Variants in TASP1 observed in about 807,000 individuals in gnomAD.
The protein encoded by TASP1 is threonine aspartase 1.
In TASP1, 16 loss-of-function variants were observed where a neutral mutation model predicts 56.6. The ratio of observed to expected loss-of-function variants is 0.28; its 90% CI spans 0.19 to 0.43. The LOEUF is 0.43. Ranked by LOEUF, TASP1 falls within the 20% of genes least tolerant of loss-of-function variation. The pLI, the probability that TASP1 is intolerant of heterozygous loss-of-function variation, is 1.00. For missense variants in TASP1, 393 were observed against 511.6 expected (o/e 0.77, Z 2.24); for synonymous variants, 179 against 184.2 (o/e 0.97, Z 0.23).
At chr20:13,292,980 A>T in the TASP1 span, among the ~76,000 whole-genome samples, 1 of 151,956 alleles carries the variant, frequency 6.6e-6, no homozygotes, top group African/African-American at 2.4e-5. Flanking sequence ...GCAGATCACG[A>T]GGTCAGGAGA....
At chr20:13,121,451 T>C in the TASP1 span, among the ~76,000 whole-genome samples, 1 of 152,168 alleles carries the variant, frequency 6.6e-6, no homozygotes, top group Non-Finnish European at 1.5e-5. Flanking sequence ...AGATGTTTAT[T>C]CTAAGAGTCT....
At chr20:13,638,306 C>T (rs8123211) in intron 1 of TASP1, among the ~76,000 whole-genome samples, 2 of 152,092 alleles carry the variant, frequency 1.3e-5, no homozygotes, top group African/African-American at 2.4e-5. Flanking sequence ...AAGTTGAACT[C>T]TCTCCTTCCG....
At chr20:13,630,203 A>C (rs1305078542) in intron 1 of TASP1, 51 bp from the exon 2 acceptor site, 4 of 943,696 alleles carry the variant, frequency 4.2e-6, no homozygotes, top group Non-Finnish European at 6.0e-6. Context: ...CCAACACATA[A>C]GTTACTTACA....
intron 8 of TASP1, among the ~76,000 whole-genome samples, chr20:13,540,064 G>A (rs1032770891): frequency 6.6e-5 from 10 of 152,004 alleles, no homozygotes; most frequent in South Asian, 2.1e-4. Flanking sequence ...TCACTCATAC[G>A]CAGTTTAATT....
chr20:13,288,712 G>C, the TASP1 span: 1 of 1,588,646 alleles, frequency 6.3e-7, no homozygotes. Context: ...GTAGCTCCAA[G>C]TTCAAGGGGA....
At chr20:13,622,494 A>G (rs1342600347) in intron 4 of TASP1, among the ~76,000 whole-genome samples, 1 of 152,210 alleles carries the variant, frequency 6.6e-6, no homozygotes, top group African/African-American at 2.4e-5. Context: ...TCCACAATTA[A>G]GCAAGAGAAT....
rs1201283882 is a variant in TASP1 at position 13,632,216 on chromosome 20, T to A, written c.-74-2064A>T. 2.6e-5 allele frequency among the ~76,000 whole-genome samples: 4 copies of A among 151,162 alleles called. 1 individual carries two copies. In the East Asian group the frequency reaches 7.8e-4, roughly 30 times the overall value. On this transcript the variant is annotated intron_variant, in intron 1 of 13. Transcript: ENST00000337743. ...CGTCTCCACTAAAAATACAAAAAGC[T>A]GGGCATGGTGGCGCGTTCCTGTAAT... is the stretch of plus-strand genomic sequence containing the variant.
chr20:13,111,613 C>T, the TASP1 span, among the ~76,000 whole-genome samples: 2 of 152,180 alleles, frequency 1.3e-5, no homozygotes, highest in African/African-American at 4.8e-5. Flanking sequence ...CTGTCATAAC[C>T]TCAAGCATGG....
chr20:13,245,578 C>A, the TASP1 span, among the ~76,000 whole-genome samples: 1 of 152,188 alleles, frequency 6.6e-6, no homozygotes, highest in South Asian at 2.1e-4. Context: ...CCATACTCCC[C>A]TCCACATGTA....
intron 4 of TASP1, among the ~76,000 whole-genome samples, chr20:13,592,214 T>C (rs1344395404): frequency 6.6e-6 from 1 of 151,976 alleles, no homozygotes; most frequent in South Asian, 2.1e-4. Context: ...CTGGCCAACA[T>C]GGTGAAATCC....
chr20:13,242,808 GT>G, the TASP1 span, among the ~76,000 whole-genome samples: 1 of 152,262 alleles, frequency 6.6e-6, no homozygotes, highest in African/African-American at 2.4e-5. Context: ...GTTCCTTACT[GT>G]TCATGTGTGA....
chr20:13,633,493 T>C (rs1211635962), intron 1 of TASP1, among the ~76,000 whole-genome samples: 2 of 152,114 alleles, frequency 1.3e-5, no homozygotes, highest in African/African-American at 2.4e-5. Flanking sequence ...AGAACCAAAA[T>C]AGGGCAAGCA....
the TASP1 span, among the ~76,000 whole-genome samples, chr20:13,192,911 T>C: frequency 1.3e-5 from 2 of 152,044 alleles, no homozygotes; most frequent in Non-Finnish European, 2.9e-5. Flanking sequence ...GATTATAGCA[T>C]ATGGTTAAGT....
the TASP1 span, among the ~76,000 whole-genome samples, chr20:13,261,939 A>C: frequency 6.6e-6 from 1 of 152,112 alleles, no homozygotes; most frequent in East Asian, 1.9e-4. Context: ...CCCTCATTCT[A>C]TGCAGGGAGA....
At chr20:13,379,388 T>C in the TASP1 span, among the ~76,000 whole-genome samples, 1 of 152,238 alleles carries the variant, frequency 6.6e-6, no homozygotes, top group Admixed American at 6.5e-5. Context: ...TCTTTAAGAA[T>C]GTTGAATATT....
intron 13 of TASP1, among the ~76,000 whole-genome samples, chr20:13,399,025 T>G (rs2123635549): frequency 6.6e-6 from 1 of 152,276 alleles, no homozygotes; most frequent in Admixed American, 6.5e-5. Context: ...CCAAATCCAA[T>G]AGCCTGTCCT....
intron 12 of TASP1, among the ~76,000 whole-genome samples, chr20:13,422,106 C>G (rs924400978): frequency 1.3e-5 from 2 of 151,910 alleles, no homozygotes; most frequent in Non-Finnish European, 2.9e-5. Context: ...CGCCCACCAC[C>G]ACGCCCGGCT....
chr20:13,272,016 C>T, the TASP1 span, among the ~76,000 whole-genome samples: 8 of 152,082 alleles, frequency 5.3e-5, no homozygotes, highest in African/African-American at 2.4e-5. Flanking sequence ...TGGGCTCAAG[C>T]GATCCCCCTG....
the TASP1 span, among the ~76,000 whole-genome samples, chr20:13,337,919 G>T: frequency 4.6e-5 from 7 of 152,176 alleles, no homozygotes; most frequent in African/African-American, 1.4e-4. Context: ...GCTGATGATG[G>T]CTTCTACTGC....
Sources: allele counts gnomAD v4.1 joint callset (sites outside exome capture counted in the v4.1 genomes callset), GRCh38; gene constraint gnomAD v4.1.1; transcripts MANE v1.5; gene names NCBI Gene and HGNC (gene_info 2026-07-23, HGNC 2026-07-21).